AGAP3: variants seen among roughly 807,000 people sequenced by gnomAD.
AGAP3 encodes arf-GAP with GTPase, ANK repeat and PH domain-containing protein 3.
AGAP3 carries 24 observed loss-of-function variants against 96.9 expected under a neutral mutation model. The observed-to-expected ratio is 0.25, with a 90% CI of 0.18 to 0.35. The LOEUF is 0.35. Among genes scored for constraint, AGAP3 ranks in the 10% least tolerant of loss-of-function variants. The probability of loss-of-function intolerance (pLI) is 1.00; values close to 1 mark genes in which losing one functional copy is unlikely to be tolerated. For missense variants in AGAP3, 876 were observed against 1,254.2 expected (o/e 0.70, Z 4.55); for synonymous variants, 563 against 536.1 (o/e 1.05, Z -0.69).
chr7:151,122,586 T>TCTC (rs560039891), intron 8 of AGAP3: 13,864 of 910,570 alleles, frequency 0.015, 104 homozygotes, highest in Middle Eastern at 0.019. Context: ...TCCTCGTCCT[T>TCTC]CTCCTCCTCC....
chr7:151,109,848 T>A (rs1799210591), intron 1 of AGAP3, among the ~76,000 whole-genome samples: 1 of 152,230 alleles, frequency 6.6e-6, no homozygotes, highest in East Asian at 1.9e-4. Context: ...CAGCGTCCAC[T>A]CTGGCTCTCC....
intron 1 of AGAP3, among the ~76,000 whole-genome samples, chr7:151,103,959 C>T (rs1426145344): frequency 1.3e-5 from 2 of 152,154 alleles, no homozygotes; most frequent in African/African-American, 4.8e-5. Flanking sequence ...GGAAGCTCAG[C>T]GGGAACACCC....
intron 1 of AGAP3, among the ~76,000 whole-genome samples, chr7:151,099,795 G>A (rs1438243886): frequency 6.6e-6 from 1 of 152,264 alleles, no homozygotes; most frequent in Non-Finnish European, 1.5e-5. Flanking sequence ...ATTTTAGGCA[G>A]GGGCCATTTT....
At chr7:151,112,500 A>C (rs1198797800) in intron 1 of AGAP3, among the ~76,000 whole-genome samples, 1 of 151,738 alleles carries the variant, frequency 6.6e-6, no homozygotes, top group Admixed American at 6.6e-5. Context: ...TCCCACTGAA[A>C]GAGGCAGCTA....
intron 1 of AGAP3, among the ~76,000 whole-genome samples, chr7:151,113,563 T>G (rs758429958): frequency 3.3e-5 from 5 of 152,146 alleles, no homozygotes; most frequent in African/African-American, 9.7e-5. Flanking sequence ...ACGCTGGGAG[T>G]TGGGCTGGAC....
Position 151,110,546 on chromosome 7 carries a change from G to A in AGAP3, c.332-6247G>A, listed in dbSNP as rs1388408323. On this transcript the variant is annotated intron_variant, in intron 1 of 17. Transcript: ENST00000397238. ...ATAAGGGGATTGGGTGCCATTCTACGCCAGCTGGAGAGCCATTGCAGGGCT... is the reference window on the plus strand; with the variant it reads ...ATAAGGGGATTGGGTGCCATTCTACACCAGCTGGAGAGCCATTGCAGGGCT... 2.6e-5 allele frequency among the ~76,000 whole-genome samples: 4 copies of A among 152,166 alleles called. 1 individual carries two copies. The highest frequency in any genetic ancestry group is 4.1e-4 in the South Asian group (2 of 4,826).
chr7:151,115,384 C>A (rs752495393), intron 1 of AGAP3: 1 of 1,021,138 alleles, frequency 9.8e-7, no homozygotes, highest in South Asian at 4.4e-5. Flanking sequence ...CGCTCCGAGT[C>A]AGGGCTGCTG....
At position 151,096,111 on chromosome 7, in the gene AGAP3, C is replaced by T. The variant is rs540694935; in HGVS notation, c.331+9039C>T. The stretch of plus-strand genomic sequence containing the variant: ...AGCAAATCAGTTAACGTCTGCAGAG[C>T]TTTTAGAGCAGCAGCTGCCCTGAGG... On this transcript the variant is annotated intron_variant, in intron 1 of 17. Coordinates refer to ENST00000397238, the MANE Select transcript of AGAP3 (RefSeq NM_031946.7). This position sits in a 1 kb window ranked among gnomAD's most constrained non-coding sequence, Gnocchi z 4.4. Among the ~76,000 whole-genome samples the T allele has an allele frequency of 1.3e-5, 2 of 152,332 alleles. No homozygotes were observed. Among genetic ancestry groups the T allele is most frequent in the East Asian group, 3.9e-4 (2 of 5,180 alleles).
intron 1 of AGAP3, chr7:151,090,280 A>G (rs560530180): frequency 6.9e-6 from 1 of 145,466 alleles, no homozygotes; most frequent in East Asian, 2.1e-4. Context: ...GGACCTGACT[A>G]TTAGGTGTGT....
chr7:151,117,614 A>G (rs1287145996), intron 4 of AGAP3, 22 bp from the exon 5 acceptor site: 3 of 1,613,414 alleles, frequency 1.9e-6, no homozygotes, highest in Admixed American at 3.3e-5. Flanking sequence ...TGCGGGTGCT[A>G]ATTTTACTTG....
In AGAP3 at chr7:151,139,509, T is replaced by C. The variant is rs1800738072; in HGVS notation, c.1667-470T>C. ...TCTGCCTCTAATGAAGTTTGACATT[T>C]AGTGGTGAGCGCCGGGCGGGGTGTG... On this transcript the variant is annotated intron_variant, in intron 12 of 17. Coordinates refer to ENST00000397238, the MANE Select transcript of AGAP3 (RefSeq NM_031946.7). The surrounding 1 kb of genome is among the most constrained non-coding windows in gnomAD (Gnocchi z 4.9). 6.5e-6 allele frequency: 1 copy of C among 152,716 alleles called. No homozygotes were observed. Among genetic ancestry groups the C allele is most frequent in the African/African-American group, 2.4e-5 (1 of 41,470 alleles). 9.5% of individuals were successfully genotyped at this position (152,716 alleles called of 1,614,324 possible).
intron 11 of AGAP3, among the ~76,000 whole-genome samples, chr7:151,134,822 G>A (rs931151071): frequency 6.6e-6 from 1 of 152,202 alleles, no homozygotes; most frequent in Non-Finnish European, 1.5e-5. Flanking sequence ...GGGCAGTGGT[G>A]CTGGTGGTCC....
intron 9 of AGAP3, 136 bp downstream of exon 9, chr7:151,124,022 C>T: frequency 4.5e-6 from 4 of 893,072 alleles, no homozygotes; most frequent in Non-Finnish European, 6.7e-6. Flanking sequence ...TAGGCGGAGT[C>T]CTTAACAAGG....
rs534282184 is a variant in AGAP3, at chr7:151,096,196, C to T, written c.331+9124C>T. On this transcript the variant is annotated intron_variant, in intron 1 of 17. Coordinates refer to ENST00000397238, the MANE Select transcript of AGAP3 (RefSeq NM_031946.7). This position sits in a 1 kb window ranked among gnomAD's most constrained non-coding sequence, Gnocchi z 4.4. The stretch of plus-strand genomic sequence containing the variant: ...GTCTCAGAGGCTCAGCTGTCATCAC[C>T]GCCTGCGTGGGGATGCGTGAGGTGA... 3.7e-4 allele frequency among the ~76,000 whole-genome samples: 57 copies of T among 152,276 alleles called. No homozygotes were observed. Among genetic ancestry groups the T allele is most frequent in the Non-Finnish European group, 5.3e-4 (36 of 68,028 alleles).
intron 1 of AGAP3, among the ~76,000 whole-genome samples, chr7:151,089,423 G>A (rs983713246): frequency 2.6e-5 from 4 of 152,052 alleles, no homozygotes; most frequent in African/African-American, 9.7e-5. Context: ...TGGGAGCCGG[G>A]TCCTGTGTTT....
chr7:151,123,688 A>G, intron 8 of AGAP3, 106 bp from the exon 9 acceptor site: 1 of 1,577,402 alleles, frequency 6.3e-7, no homozygotes, highest in Non-Finnish European at 8.6e-7. Context: ...ACCCACTGCT[A>G]GGGCTGCCCA....
At chr7:151,129,783 G>A (rs551660360) in intron 10 of AGAP3, among the ~76,000 whole-genome samples, 1 of 151,892 alleles carries the variant, frequency 6.6e-6, no homozygotes, top group Non-Finnish European at 1.5e-5. Context: ...TGGGAAGAGC[G>A]CCTACCACAG....
intron 1 of AGAP3, chr7:151,115,483 A>T: frequency 9.9e-7 from 1 of 1,011,436 alleles, no homozygotes; most frequent in African/African-American, 1.8e-5. Flanking sequence ...CTGGGCTCCG[A>T]CGCCCCGCGC....
At chr7:151,117,036 T>C in intron 2 of AGAP3, 59 bp from the exon 3 acceptor site, 1 of 1,559,814 alleles carries the variant, frequency 6.4e-7, no homozygotes, top group South Asian at 1.1e-5. Context: ...CTTTTCCTGC[T>C]GGGTCTTCTC....
Sources: allele counts gnomAD v4.1 joint callset (sites outside exome capture counted in the v4.1 genomes callset), GRCh38; gene constraint gnomAD v4.1.1; non-coding constraint Gnocchi (gnomAD v3.1); transcripts MANE v1.5; gene names NCBI Gene and HGNC (gene_info 2026-07-23, HGNC 2026-07-21).